SLIT1: variants seen among roughly 807,000 people sequenced by gnomAD.
The protein encoded by SLIT1 is slit guidance ligand 1, also known as slit homolog 1 protein.
SLIT1 carries 66 observed loss-of-function variants against 186.1 expected under a neutral mutation model. That is an observed-to-expected ratio of 0.35 (90% confidence interval 0.29 to 0.44). The LOEUF (loss-of-function observed/expected upper bound fraction) is 0.44. Among genes scored for constraint, SLIT1 ranks in the 20% least tolerant of loss-of-function variants. The pLI, the probability that SLIT1 is intolerant of heterozygous loss-of-function variation, is 1.00. For synonymous variants in SLIT1, 761 were observed against 833.8 expected, an observed-to-expected ratio of 0.91 and a Z score of 1.50; for missense variants, 1,638 against 2,037.4, an observed-to-expected ratio of 0.80 and a Z score of 3.77.
chr10:97,003,090 G>A, intron 34 of SLIT1, 98 bp from the exon 35 acceptor site: 1 of 1,200,136 alleles, frequency 8.3e-7, no homozygotes, highest in Non-Finnish European at 1.2e-6. Context: ...CTTCCCTCTT[G>A]CCTGCGGCCT....
intron 20 of SLIT1, among the ~76,000 whole-genome samples, chr10:97,042,054 A>G (rs192629253): frequency 1.3e-5 from 2 of 152,122 alleles, no homozygotes; most frequent in Admixed American, 1.3e-4. Context: ...TAGAAGTCAG[A>G]AGCAAAAGTA....
At chr10:97,024,102 T>A (rs1392459992) in intron 25 of SLIT1, among the ~76,000 whole-genome samples, 1 of 152,162 alleles carries the variant, frequency 6.6e-6, no homozygotes, top group Non-Finnish European at 1.5e-5. Flanking sequence ...TAAGGCTAAA[T>A]AACGTGAATG....
chr10:97,072,746 C>T (rs1177205217), intron 4 of SLIT1, among the ~76,000 whole-genome samples: 2 of 152,180 alleles, frequency 1.3e-5, no homozygotes, highest in African/African-American at 2.4e-5. Flanking sequence ...GGCAGCAAAG[C>T]GGGTGGTAGA....
intron 22 of SLIT1, among the ~76,000 whole-genome samples, chr10:97,036,979 C>T (rs987241920): frequency 2.0e-5 from 3 of 151,440 alleles, no homozygotes; most frequent in East Asian, 1.9e-4. Flanking sequence ...TGAGCTGGAC[C>T]GAGAAGCTTT....
chr10:97,185,800 G>A lies in SLIT1; in HGVS notation c.-126C>T. 1 of 827,154 alleles carries A rather than the reference G, an allele frequency of 1.2e-6. No homozygotes were observed. The highest frequency in any genetic ancestry group is 1.7e-6 in the Non-Finnish European group (1 of 581,958). 51.2% of individuals were successfully genotyped at this position (827,154 alleles called of 1,614,324 possible). ...AAGAGCCCGCGGGCTTGCGCGCGGC[G>A]CCCCTGCGGGCTGGGAGGCACCTTG... On this transcript the variant is annotated 5_prime_UTR_variant, in exon 1 of 37. Coordinates refer to ENST00000266058, the MANE Select transcript of SLIT1 (RefSeq NM_003061.3).
At chr10:97,023,941 GAAAAAGA>G in intron 25 of SLIT1, among the ~76,000 whole-genome samples, 1 of 151,604 alleles carries the variant, frequency 6.6e-6, no homozygotes, top group East Asian at 1.9e-4. Context: ...AAACTCAGTG[GAAAAAGA>G]AAAAAGAAAA....
At position 97,136,709 on chromosome 10, in the gene SLIT1, C is replaced by T. The variant is rs142719048; in HGVS notation, c.413+21109G>A. Among the ~76,000 whole-genome samples the T allele has an allele frequency of 5.3e-4, 80 of 152,286 alleles. 1 individual carries two copies. The highest frequency in any genetic ancestry group is 1.9e-3 in the African/African-American group (77 of 41,550). ...AAATGAGTGATCCTTCCACGTTTAA[C>T]GAAGCTCCTAATTACAGAGCTTGCA... On this transcript the variant is annotated intron_variant, in intron 4 of 36. Transcript: ENST00000266058.
At chr10:97,081,516 G>A (rs1010072567) in intron 4 of SLIT1, among the ~76,000 whole-genome samples, 9 of 152,104 alleles carry the variant, frequency 5.9e-5, no homozygotes, top group Non-Finnish European at 1.0e-4. Flanking sequence ...AGTCTTCTAC[G>A]GGGCTGTCAC....
chr10:97,048,121 G>A (rs1848751527), intron 14 of SLIT1, 125 bp from the exon 15 acceptor site: 1 of 1,015,134 alleles, frequency 9.9e-7, no homozygotes, highest in Admixed American at 1.7e-5. Flanking sequence ...CATCTGCCCA[G>A]TCCCTGTGTG....
intron 13 of SLIT1, among the ~76,000 whole-genome samples, 195 bp from the exon 14 acceptor site, chr10:97,049,313 C>T (rs1848766919): frequency 6.6e-6 from 1 of 152,186 alleles, no homozygotes; most frequent in Admixed American, 6.5e-5. Context: ...GAGGTCCTGC[C>T]AGCGCACTAC....
At chr10:97,091,042 C>T (rs967896300) in intron 4 of SLIT1, among the ~76,000 whole-genome samples, 1 of 152,248 alleles carries the variant, frequency 6.6e-6, no homozygotes, top group East Asian at 1.9e-4. Context: ...TGAGATCATT[C>T]GTTGACATCA....
chr10:97,080,261 C>T (rs1849090104), intron 4 of SLIT1, among the ~76,000 whole-genome samples: 1 of 152,114 alleles, frequency 6.6e-6, no homozygotes, highest in Non-Finnish European at 1.5e-5. Flanking sequence ...AGGCCTCCTA[C>T]AAGTCTTTAT....
At chr10:97,090,012 A>G (rs1275717680) in intron 4 of SLIT1, among the ~76,000 whole-genome samples, 2 of 152,212 alleles carry the variant, frequency 1.3e-5, no homozygotes, top group East Asian at 3.8e-4. Context: ...TGAAGCATTC[A>G]GCTCAGTCCC....
At chr10:97,182,303 T>G (rs1850349218) in intron 1 of SLIT1, among the ~76,000 whole-genome samples, 2 of 152,212 alleles carry the variant, frequency 1.3e-5, no homozygotes, top group Non-Finnish European at 2.9e-5. Flanking sequence ...TTGCTGGGCC[T>G]CGCAGGCTGC....
intron 4 of SLIT1, among the ~76,000 whole-genome samples, chr10:97,134,622 C>T (rs1259033784): frequency 6.6e-6 from 1 of 152,172 alleles, no homozygotes; most frequent in African/African-American, 2.4e-5. Context: ...TGAGCCCATC[C>T]CTGGCTCTCC....
intron 4 of SLIT1, among the ~76,000 whole-genome samples, chr10:97,144,271 T>C (rs1473380552): frequency 6.6e-6 from 1 of 152,128 alleles, no homozygotes. Context: ...AGGCACTGTA[T>C]CCAGGGGTTT....
chr10:97,025,756 G>A (rs1589366577), intron 25 of SLIT1, among the ~76,000 whole-genome samples: 1 of 152,300 alleles, frequency 6.6e-6, no homozygotes, highest in Middle Eastern at 3.4e-3. Context: ...TGAAACAGTA[G>A]CTATTTGATC....
At chr10:97,169,416 T>C (rs1265550764) in intron 1 of SLIT1, among the ~76,000 whole-genome samples, 1 of 152,152 alleles carries the variant, frequency 6.6e-6, no homozygotes, top group Admixed American at 6.5e-5. Context: ...AGGATCAAGT[T>C]CACAACCTAA....
Position 97,001,091 on chromosome 10 carries a change from C to T in SLIT1, c.*21G>A. On this transcript the variant is annotated 3_prime_UTR_variant, in exon 37 of 37. Transcript: ENST00000266058. ...GGCTGGGGCCCCTTGCCCGCCCTCA[C>T]CGGCCTGTCCACGCCCAGCGCTATG... 1 of 1,603,300 alleles carries T rather than the reference C, an allele frequency of 6.2e-7. No individual in the cohort carries two copies.
Sources: allele counts gnomAD v4.1 joint callset (sites outside exome capture counted in the v4.1 genomes callset), GRCh38; gene constraint gnomAD v4.1.1; transcripts MANE v1.5; gene names NCBI Gene and HGNC (gene_info 2026-07-23, HGNC 2026-07-21).